The following PRDM16 variants were observed in gnomAD, a reference collection of about 807,000 sequenced individuals.
The protein encoded by PRDM16 is histone-lysine N-methyltransferase PRDM16.
Under a neutral mutation model 110.6 loss-of-function variants are expected in PRDM16, and 23 were observed. That is an observed-to-expected ratio of 0.21 (90% CI 0.15 to 0.29). PRDM16 has a LOEUF of 0.29. PRDM16 is among the 10% of genes least tolerant of loss of function. The pLI is 1.00. For missense variants in PRDM16, 1,615 were observed against 1,794.3 expected (o/e 0.90, Z 1.81); for synonymous variants, 799 against 781.8 (o/e 1.02, Z -0.37).
At chr1:3,405,942 C>T (rs1643554946) in intron 8 of PRDM16, among the ~76,000 whole-genome samples, 1 of 152,168 alleles carries the variant, frequency 6.6e-6, no homozygotes, top group Admixed American at 6.5e-5. Context: ...GGACCAGGGT[C>T]CTGCAGAAGG....
At chr1:3,356,208 G>A (rs968222866) in intron 3 of PRDM16, among the ~76,000 whole-genome samples, 2 of 152,190 alleles carry the variant, frequency 1.3e-5, no homozygotes, top group African/African-American at 4.8e-5. Context: ...GATGAATCAC[G>A]CAGGGGGCTT....
At position 3,386,161 on chromosome 1, in the gene PRDM16, C is replaced by T. The variant is rs571099587; in HGVS notation, c.573+875C>T. On this transcript the variant is annotated intron_variant, in intron 4 of 16. Coordinates refer to ENST00000270722, the MANE Select transcript of PRDM16 (RefSeq NM_022114.4). ...CGTTCCTCGGGGTGCCCGGGGTGCC[C>T]GGGGTCCCCGGCCCCTTACATCACA... Among the ~76,000 whole-genome samples, 465 of 152,118 alleles carry T rather than the reference C, an allele frequency of 3.1e-3. 3 individuals are homozygous for T. The highest frequency in any genetic ancestry group is 9.6e-3 in the African/African-American group (399 of 41,452).
At position 3,181,723 on chromosome 1, in the gene PRDM16, T is replaced by TAC. The variant is rs1644201717; in HGVS notation, c.38-4397_38-4396dup. 4.7e-5 allele frequency among the ~76,000 whole-genome samples: 4 copies of TAC among 85,238 alleles called. 1 individual carries two copies. The allele number at this position is 85,238 out of a possible 152,430, so 55.9% of individuals were successfully genotyped here. A position where few individuals can be genotyped will look rare whatever the true frequency, so the allele number is the denominator to read the frequency against. On this transcript the variant is annotated intron_variant, in intron 1 of 16. Transcript: ENST00000270722. The stretch of plus-strand genomic sequence containing the variant: ...ACACACGGTCTTACACACGCAGTCT[T>TAC]ACACACGGTCTTACACACGGAGTCT...
intron 1 of PRDM16, among the ~76,000 whole-genome samples, chr1:3,092,983 G>A (rs919872262): frequency 2.6e-5 from 4 of 152,156 alleles, no homozygotes; most frequent in African/African-American, 9.7e-5. Flanking sequence ...CTGCTGCAGG[G>A]ACCGAGGTGG....
intron 10 of PRDM16, among the ~76,000 whole-genome samples, chr1:3,416,635 C>T (rs778112262): frequency 7.2e-5 from 11 of 152,326 alleles, no homozygotes; most frequent in Admixed American, 4.6e-4. Context: ...GCTCCTGCCT[C>T]ACCCTTGCCC....
chr1:3,270,382 G>GT (rs1176486987), intron 3 of PRDM16, among the ~76,000 whole-genome samples: 3 of 143,958 alleles, frequency 2.1e-5, no homozygotes, highest in African/African-American at 5.2e-5. Context: ...GAGGAGGACA[G>GT]CCAGGAGGAG....
chr1:3,294,288 T>C (rs1641039709), intron 3 of PRDM16, among the ~76,000 whole-genome samples: 1 of 152,032 alleles, frequency 6.6e-6, no homozygotes. Context: ...TGGGGGTGTA[T>C]CCAGGCTGGA....
chr1:3,178,277 G>A (rs1365834311), intron 1 of PRDM16, among the ~76,000 whole-genome samples: 1 of 152,208 alleles, frequency 6.6e-6, no homozygotes, highest in Non-Finnish European at 1.5e-5. Flanking sequence ...CATCTACACA[G>A]ACAGGTAAGG....
At chr1:3,164,397 G>A (rs187704881) in intron 1 of PRDM16, among the ~76,000 whole-genome samples, 1 of 152,326 alleles carries the variant, frequency 6.6e-6, no homozygotes, top group Non-Finnish European at 1.5e-5. Context: ...CAGCTTCTGG[G>A]AACGATTTCC....
intron 3 of PRDM16, among the ~76,000 whole-genome samples, chr1:3,259,249 C>T (rs897707713): frequency 4.6e-5 from 7 of 152,278 alleles, no homozygotes; most frequent in African/African-American, 7.2e-5. Flanking sequence ...AGGCAGGCGC[C>T]GGAAGCAGAA....
chr1:3,225,181 A>T (rs1344571353), intron 2 of PRDM16, among the ~76,000 whole-genome samples: 4 of 152,204 alleles, frequency 2.6e-5, no homozygotes, highest in Admixed American at 6.5e-5. Flanking sequence ...CATAGAGGGC[A>T]TTTTGGACAC....
intron 2 of PRDM16, among the ~76,000 whole-genome samples, chr1:3,234,531 G>T (rs7515772): frequency 0.15 from 23,311 of 152,142 alleles, 2,541 homozygotes; most frequent in African/African-American, 0.3. Flanking sequence ...CCAGCAAGAG[G>T]CCCTGAGCCT....
rs945347912 is a variant in PRDM16 at position 3,245,180 on chromosome 1, C to T, written c.438+1043C>T. Among the ~76,000 whole-genome samples the T allele has an allele frequency of 2.6e-5, 4 of 152,104 alleles. No individual in the cohort carries two copies. The highest frequency in any genetic ancestry group is 5.9e-5 in the Non-Finnish European group (4 of 68,022). ...TCAGAATTACAACTGGATTCCGTGA[C>T]GCAGCATATGGGCTTGAGGGGTACT... On this transcript the variant is annotated intron_variant, in intron 3 of 16. Transcript: ENST00000270722. This position sits in a 1 kb window ranked among gnomAD's most constrained non-coding sequence, Gnocchi z 4.7.
chr1:3,435,003 C>T lies in PRDM16; in HGVS notation c.*1192C>T, dbSNP rs139704116. 5.0e-4 allele frequency: 114 copies of T among 228,004 alleles called. 1 individual carries two copies. In the East Asian group the frequency reaches 6.8e-3, roughly 14 times the overall value. 14.1% of individuals were successfully genotyped at this position (228,004 alleles called of 1,614,324 possible). A position where few individuals can be genotyped will look rare whatever the true frequency, so the allele number is the denominator to read the frequency against. ...CGGATGGACGACACAGTCGTCACGT[C>T]GCTCTTCCTGCGGGTTCTTGGCGAG... On this transcript the variant is annotated 3_prime_UTR_variant, in exon 17 of 17. Coordinates refer to ENST00000270722, the MANE Select transcript of PRDM16 (RefSeq NM_022114.4).
At chr1:3,247,166 G>A (rs571831097) in intron 3 of PRDM16, among the ~76,000 whole-genome samples, 4 of 152,186 alleles carry the variant, frequency 2.6e-5, no homozygotes, top group African/African-American at 9.7e-5. Context: ...TGTGTGACCT[G>A]TGGGTGGGCA....
intron 3 of PRDM16, among the ~76,000 whole-genome samples, chr1:3,292,648 G>T (rs573833003): frequency 1.3e-5 from 2 of 152,336 alleles, no homozygotes; most frequent in East Asian, 3.9e-4. Context: ...CTCCTGAAGG[G>T]AAGGGCCAGA....
intron 2 of PRDM16, among the ~76,000 whole-genome samples, chr1:3,233,267 G>A (rs1372002575): frequency 5.9e-5 from 9 of 152,190 alleles, no homozygotes; most frequent in South Asian, 2.1e-4. Flanking sequence ...AGGAGGGACC[G>A]TCAGCATTTT....
At chr1:3,160,610 G>T (rs943006851) in intron 1 of PRDM16, among the ~76,000 whole-genome samples, 2 of 152,198 alleles carry the variant, frequency 1.3e-5, no homozygotes, top group Non-Finnish European at 2.9e-5. Flanking sequence ...AGGTGCAGGG[G>T]AGGCCTCTGG....
At chr1:3,074,006 G>A (rs1180861143) in intron 1 of PRDM16, among the ~76,000 whole-genome samples, 2 of 152,208 alleles carry the variant, frequency 1.3e-5, no homozygotes, top group Non-Finnish European at 2.9e-5. Flanking sequence ...AGCGCGCGCC[G>A]CCTGGGTTTA....
Sources: gnomAD v4.1 joint callset for allele counts (sites outside exome capture counted in the v4.1 genomes callset) on GRCh38, gnomAD v4.1.1 for gene constraint, Gnocchi (gnomAD v3.1) non-coding constraint, MANE v1.5 for transcripts, NCBI Gene and HGNC (gene_info 2026-07-23, HGNC 2026-07-21) for gene names.